Variants in ARHGAP35 observed in about 807,000 individuals in gnomAD.
The protein encoded by ARHGAP35 is Rho GTPase activating protein 35.
A neutral mutation model predicts 111.1 loss-of-function variants in ARHGAP35; 15 were observed. The observed-to-expected ratio is 0.13, with a 90% CI of 0.09 to 0.21. The LOEUF (loss-of-function observed/expected upper bound fraction) is 0.21. Ranked by LOEUF, ARHGAP35 falls within the 10% of genes least tolerant of loss-of-function variation. ARHGAP35 has a pLI of 1.00. For synonymous variants in ARHGAP35, 643 were observed against 710.3 expected (o/e 0.91, Z 1.51); for missense variants, 1,262 against 1,873.0 (o/e 0.67, Z 6.02).
At chr19:46,930,274 A>C (rs1335359369) in intron 2 of ARHGAP35, among the ~76,000 whole-genome samples, 1 of 150,408 alleles carries the variant, frequency 6.6e-6, no homozygotes, top group Non-Finnish European at 1.5e-5. Context: ...TGGGAGAATC[A>C]CCTGAGCCCA....
intron 1 of ARHGAP35, among the ~76,000 whole-genome samples, chr19:46,869,334 G>A (rs1180279726): frequency 6.6e-6 from 1 of 152,126 alleles, no homozygotes; most frequent in Non-Finnish European, 1.5e-5. Context: ...GCTCACGCCT[G>A]TAATCCCAGC....
At chr19:46,995,502 G>A (rs1026680264) in intron 5 of ARHGAP35, among the ~76,000 whole-genome samples, 10 of 152,226 alleles carry the variant, frequency 6.6e-5, no homozygotes, top group South Asian at 2.1e-4. Context: ...GGGCTCTGCC[G>A]CGTGCAGGGA....
chr19:46,900,500 C>A (rs1363439405), intron 1 of ARHGAP35, among the ~76,000 whole-genome samples: 4 of 152,128 alleles, frequency 2.6e-5, no homozygotes, highest in Non-Finnish European at 5.9e-5. Context: ...GGATTACAGG[C>A]GTGAGCCACC....
At chr19:46,877,750 A>G (rs1321178179) in intron 1 of ARHGAP35, among the ~76,000 whole-genome samples, 1 of 151,866 alleles carries the variant, frequency 6.6e-6, no homozygotes, top group East Asian at 1.9e-4. Context: ...CTTGTTGGCC[A>G]GGCTGGAGTT....
At chr19:46,882,358 G>A (rs776093348) in intron 1 of ARHGAP35, among the ~76,000 whole-genome samples, 2 of 151,864 alleles carry the variant, frequency 1.3e-5, no homozygotes, top group African/African-American at 2.4e-5. Context: ...TGCTGGTCTC[G>A]AATTCCTGGC....
intron 1 of ARHGAP35, among the ~76,000 whole-genome samples, chr19:46,893,280 T>C (rs566275137): frequency 2.0e-5 from 3 of 152,214 alleles, no homozygotes; most frequent in South Asian, 4.2e-4. Flanking sequence ...GGCCAGGTCA[T>C]ATCACTTCTG....
At chr19:46,965,601 C>T (rs1187821748) in intron 3 of ARHGAP35, among the ~76,000 whole-genome samples, 1 of 152,162 alleles carries the variant, frequency 6.6e-6, no homozygotes, top group Non-Finnish European at 1.5e-5. Flanking sequence ...CCTCCCACCT[C>T]AGCCTCCCAA....
intron 3 of ARHGAP35, among the ~76,000 whole-genome samples, chr19:46,978,510 G>C (rs1301008426): frequency 6.7e-6 from 1 of 149,618 alleles, no homozygotes; most frequent in Non-Finnish European, 1.5e-5. Flanking sequence ...GTGGTGGCGT[G>C]TGTGATGGGA....
chr19:46,879,587 A>AAAATAAAAAAATAAAT (rs2055947045), intron 1 of ARHGAP35, among the ~76,000 whole-genome samples: 1 of 87,678 alleles, frequency 1.1e-5, no homozygotes, highest in African/African-American at 4.4e-5. Flanking sequence ...ACTCCATCTC[A>AAAATAAAAAAATAAAT]AAATAAATAA....
chr19:46,976,210 CT>C (rs772367746), intron 3 of ARHGAP35, among the ~76,000 whole-genome samples: 5,469 of 118,654 alleles, frequency 0.046, 144 homozygotes, highest in African/African-American at 0.11. Flanking sequence ...AAGCTTTCTC[CT>C]TTTTTTTTTT....
intron 3 of ARHGAP35, chr19:46,946,955 G>A (rs190392341): frequency 2.0e-5 from 3 of 152,326 alleles, no homozygotes; most frequent in Admixed American, 6.5e-5. Flanking sequence ...CCTGCACTTA[G>A]GAGACTGTAA....
At position 46,993,348 on chromosome 19, in the gene ARHGAP35, T is replaced by C. The variant is rs1190544070; in HGVS notation, c.4036+3673T>C. Among the ~76,000 whole-genome samples, 1 of 152,188 alleles carries C rather than the reference T, an allele frequency of 6.6e-6. No homozygotes were observed. Among genetic ancestry groups the C allele is most frequent in the Admixed American group, 6.5e-5 (1 of 15,272 alleles). On this transcript the variant is annotated intron_variant, in intron 5 of 6. Coordinates refer to ENST00000672722, the MANE Select transcript of ARHGAP35 (RefSeq NM_004491.5). This position sits in a 1 kb window ranked among gnomAD's most constrained non-coding sequence, Gnocchi z 4.6. The stretch of plus-strand genomic sequence containing the variant: ...GGTCAGCGGCGGCCAGCAGGGACTT[T>C]CCTCCAGGCACCGAGCTGGCAGCAG...
intron 1 of ARHGAP35, among the ~76,000 whole-genome samples, chr19:46,892,123 T>TA (rs1178888092): frequency 0.019 from 1,046 of 53,802 alleles, 20 homozygotes; most frequent in African/African-American, 0.026. Flanking sequence ...CTGTCTCTAC[T>TA]AAAAAAAAAA....
intron 3 of ARHGAP35, among the ~76,000 whole-genome samples, chr19:46,949,317 C>A (rs2056399110): frequency 1.3e-5 from 2 of 152,142 alleles, no homozygotes; most frequent in South Asian, 2.1e-4. Flanking sequence ...TTCAAAATAT[C>A]ATCTAGCGCA....
chr19:46,933,514 A>C (rs2056286075), intron 2 of ARHGAP35, among the ~76,000 whole-genome samples: 1 of 152,106 alleles, frequency 6.6e-6, no homozygotes, highest in Non-Finnish European at 1.5e-5. Flanking sequence ...AATTTTCACT[A>C]GATTATAAGC....
intron 3 of ARHGAP35, 84 bp downstream of exon 3, chr19:46,937,492 G>A: frequency 6.8e-7 from 1 of 1,478,706 alleles, no homozygotes; most frequent in South Asian, 1.2e-5. Context: ...GGAGATTCTG[G>A]AATCAGTTGT....
chr19:46,982,067 T>TC (rs2056623635), intron 3 of ARHGAP35, among the ~76,000 whole-genome samples: 1 of 152,094 alleles, frequency 6.6e-6, no homozygotes, highest in African/African-American at 2.4e-5. Flanking sequence ...CCCAGGTTGG[T>TC]CTCGAACTGG....
chr19:46,883,461 T>G (rs2122139331), intron 1 of ARHGAP35, among the ~76,000 whole-genome samples: 1 of 152,286 alleles, frequency 6.6e-6, no homozygotes, highest in South Asian at 2.1e-4. Context: ...GAGGAGCAGT[T>G]AGAACACATA....
chr19:46,989,369 C>A lies in ARHGAP35; in HGVS notation c.3905-175C>A. 1 of 751,276 alleles carries A rather than the reference C, an allele frequency of 1.3e-6. No homozygotes were observed. The allele number at this position is 751,276 out of a possible 1,614,324, so 46.5% of individuals were successfully genotyped here. ...AAAGAGGTGCTGGGGCCAGCCCATG[C>A]CTGAACCTCAGAACTCGCGTTAGCG... On this transcript the variant is annotated intron_variant, in intron 4 of 6. Transcript: ENST00000672722. The surrounding 1 kb of genome is among the most constrained non-coding windows in gnomAD (Gnocchi z 5.3).
Sources: gnomAD v4.1 joint callset for allele counts (sites outside exome capture counted in the v4.1 genomes callset) on GRCh38, gnomAD v4.1.1 for gene constraint, Gnocchi (gnomAD v3.1) non-coding constraint, MANE v1.5 for transcripts, NCBI Gene and HGNC (gene_info 2026-07-23, HGNC 2026-07-21) for gene names.